Variants in SLC25A26 observed in about 807,000 individuals in gnomAD.
SLC25A26 encodes solute carrier family 25 member 26.
SLC25A26 carries 36 observed loss-of-function variants against 37.8 expected under a neutral mutation model. The observed-to-expected ratio is 0.95, with a 90% CI of 0.73 to 1.26. SLC25A26 has a LOEUF of 1.26. Ranked by LOEUF, SLC25A26 falls within the 50% of genes most tolerant of loss-of-function variation. SLC25A26 has a pLI of 0.00. For missense variants in SLC25A26, 390 were observed against 331.1 expected (o/e 1.18, Z -1.38); for synonymous variants, 129 against 122.5 (o/e 1.05, Z -0.35).
chr3:66,309,114 C>G (rs1322282564), intron 5 of SLC25A26, among the ~76,000 whole-genome samples: 1 of 152,086 alleles, frequency 6.6e-6, no homozygotes, highest in Non-Finnish European at 1.5e-5. Context: ...GGAATGGTAC[C>G]TCTGGTAGAA....
intron 1 of SLC25A26, among the ~76,000 whole-genome samples, chr3:66,156,456 CA>C (rs199868910): frequency 0.39 from 58,906 of 151,794 alleles, 11,569 homozygotes; most frequent in Non-Finnish European, 0.42. Context: ...GTGATAGGGC[CA>C]GGGGTGGGAA....
chr3:66,232,008 G>C (rs1179727763), intron 1 of SLC25A26, among the ~76,000 whole-genome samples: 1 of 152,152 alleles, frequency 6.6e-6, no homozygotes, highest in Non-Finnish European at 1.5e-5. Context: ...CAGGGCCCCA[G>C]TGGATGGACT....
chr3:66,135,391 A>T (rs1363174728), intron 1 of SLC25A26, among the ~76,000 whole-genome samples: 1 of 152,192 alleles, frequency 6.6e-6, no homozygotes, highest in Admixed American at 6.5e-5. Context: ...CTTAAAGTTC[A>T]TGTATTCCAT....
chr3:66,241,068 A>G (rs570085772), intron 2 of SLC25A26, among the ~76,000 whole-genome samples: 79 of 152,018 alleles, frequency 5.2e-4, no homozygotes, highest in African/African-American at 1.8e-3. Flanking sequence ...ATTTTTTGGT[A>G]TTTCTAGGCT....
At chr3:66,289,089 A>G (rs980429073) in intron 5 of SLC25A26, among the ~76,000 whole-genome samples, 1 of 152,070 alleles carries the variant, frequency 6.6e-6, no homozygotes, top group African/African-American at 2.4e-5. Flanking sequence ...GATGATGAGC[A>G]TTTTTTCATA....
chr3:66,218,688 T>C (rs1355694707), upstream of SLC25A26, among the ~76,000 whole-genome samples: 1 of 152,236 alleles, frequency 6.6e-6, no homozygotes, highest in African/African-American at 2.4e-5. Flanking sequence ...GACTTTGTAG[T>C]TTCTGTCTTG....
At chr3:66,147,651 G>A (rs1409217540) in intron 1 of SLC25A26, among the ~76,000 whole-genome samples, 2 of 152,132 alleles carry the variant, frequency 1.3e-5, no homozygotes, top group African/African-American at 4.8e-5. Flanking sequence ...TTAGTTCTTT[G>A]AGGAATCTCC....
chr3:66,340,822 G>A lies in SLC25A26; in HGVS notation c.454-5542G>A, dbSNP rs571652035. ...TTCAAGATTGTTTTGGTTATTCCAC[G>A]TCCTTGTCATTTTTATGTAACTTTT... On this transcript the variant is annotated intron_variant, in intron 5 of 9. Coordinates refer to ENST00000354883, the MANE Select transcript of SLC25A26 (RefSeq NM_001379210.1). 5.9e-5 allele frequency among the ~76,000 whole-genome samples: 9 copies of A among 151,792 alleles called. No individual in the cohort carries two copies. In the South Asian group the frequency reaches 1.5e-3, roughly 25 times the overall value.
intron 1 of SLC25A26, among the ~76,000 whole-genome samples, chr3:66,222,405 C>T (rs1411659338): frequency 6.6e-6 from 1 of 152,138 alleles, no homozygotes; most frequent in Non-Finnish European, 1.5e-5. Context: ...TGGTCTCGAT[C>T]TCCTGACCTC....
intron 1 of SLC25A26, among the ~76,000 whole-genome samples, chr3:66,209,845 G>C (rs1389483361): frequency 3.2e-5 from 4 of 123,290 alleles, no homozygotes; most frequent in African/African-American, 6.0e-5. Context: ...TATATATAGA[G>C]AGAGGTGTGT....
intron 1 of SLC25A26, among the ~76,000 whole-genome samples, chr3:66,162,614 A>G (rs1256301975): frequency 1.3e-5 from 2 of 152,152 alleles, no homozygotes; most frequent in Non-Finnish European, 2.9e-5. Flanking sequence ...GGTCTTTGTC[A>G]TCTGAGTTAA....
intron 1 of SLC25A26, among the ~76,000 whole-genome samples, chr3:66,134,185 A>G (rs564019221): frequency 7.6e-4 from 116 of 152,210 alleles, no homozygotes; most frequent in Non-Finnish European, 1.4e-3. Flanking sequence ...CCATTTAAAC[A>G]CAGATATCCT....
chr3:66,162,836 T>C (rs1448324378), intron 1 of SLC25A26, among the ~76,000 whole-genome samples: 4 of 152,194 alleles, frequency 2.6e-5, no homozygotes, highest in Non-Finnish European at 4.4e-5. Context: ...TTATGAAAAC[T>C]CTTTTGTATA....
chr3:66,157,287 G>A (rs1369287176), intron 1 of SLC25A26, among the ~76,000 whole-genome samples: 1 of 152,164 alleles, frequency 6.6e-6, no homozygotes, highest in Non-Finnish European at 1.5e-5. Flanking sequence ...GCTAGGCAAT[G>A]TTCTAAAAGC....
chr3:66,164,296 C>T (rs542423248), intron 1 of SLC25A26, among the ~76,000 whole-genome samples: 5 of 152,198 alleles, frequency 3.3e-5, no homozygotes, highest in Non-Finnish European at 5.9e-5. Flanking sequence ...TTGGACAACT[C>T]AACAAGGTCA....
chr3:66,370,154 C>T (rs1390623836), intron 8 of SLC25A26, among the ~76,000 whole-genome samples: 1 of 152,216 alleles, frequency 6.6e-6, no homozygotes, highest in East Asian at 1.9e-4. Flanking sequence ...TTAAACGGCA[C>T]TCTATTAAAT....
At chr3:66,177,951 T>C (rs958246250) in intron 1 of SLC25A26, among the ~76,000 whole-genome samples, 2 of 152,160 alleles carry the variant, frequency 1.3e-5, no homozygotes, top group Non-Finnish European at 2.9e-5. Context: ...ATGGCGTAAA[T>C]AGCATTGATA....
At chr3:66,334,106 A>C (rs1020661346) in intron 5 of SLC25A26, among the ~76,000 whole-genome samples, 2 of 152,196 alleles carry the variant, frequency 1.3e-5, no homozygotes, top group African/African-American at 4.8e-5. Context: ...AGCATTTGGC[A>C]TGGAAACTAG....
In SLC25A26 at chr3:66,378,230, G is replaced by T. The variant is rs1700795371; in HGVS notation, c.*423G>T. 1 of 154,946 alleles carries T rather than the reference G, an allele frequency of 6.5e-6. No homozygotes were observed. The highest frequency in any genetic ancestry group is 2.0e-4 in the South Asian group (1 of 4,894). 9.6% of individuals were successfully genotyped at this position (154,946 alleles called of 1,614,324 possible). A position where few individuals can be genotyped will look rare whatever the true frequency, so the allele number is the denominator to read the frequency against. On this transcript the variant is annotated 3_prime_UTR_variant, in exon 10 of 10. Transcript: ENST00000354883. The stretch of plus-strand genomic sequence containing the variant: ...GGAAAAGGAGACTTGGGGAAGAGTT[G>T]TGTATGTGGGTGTTTCTCCCCCTAG...
Sources: gnomAD v4.1 joint callset for allele counts (sites outside exome capture counted in the v4.1 genomes callset) on GRCh38, gnomAD v4.1.1 for gene constraint, MANE v1.5 for transcripts, NCBI Gene and HGNC (gene_info 2026-07-23, HGNC 2026-07-21) for gene names.